Variants in CAMK1D observed in about 807,000 individuals in gnomAD.
The protein encoded by CAMK1D is calcium/calmodulin dependent protein kinase ID.
A neutral mutation model predicts 47.7 loss-of-function variants in CAMK1D; 9 were observed. The ratio of observed to expected loss-of-function variants is 0.19; its 90% CI spans 0.11 to 0.33. CAMK1D has a LOEUF of 0.33. Among genes scored for constraint, CAMK1D ranks in the 10% least tolerant of loss-of-function variants. CAMK1D has a pLI of 1.00. For synonymous variants in CAMK1D, 184 were observed against 184.9 expected, an observed-to-expected ratio of 0.99 and a Z score of 0.04; for missense variants, 291 against 488.7, an observed-to-expected ratio of 0.60 and a Z score of 3.81.
chr10:12,476,410 T>C (rs918577978), intron 1 of CAMK1D, among the ~76,000 whole-genome samples: 2 of 152,114 alleles, frequency 1.3e-5, no homozygotes, highest in Non-Finnish European at 2.9e-5. Flanking sequence ...AGCATGCATT[T>C]ATTTTAGGGC....
chr10:12,746,181 G>A (rs981028756), intron 3 of CAMK1D, among the ~76,000 whole-genome samples: 1 of 151,866 alleles, frequency 6.6e-6, no homozygotes, highest in African/African-American at 2.4e-5. Context: ...TGGCTAACAC[G>A]GTGAAACCCC....
chr10:12,410,303 G>A (rs1007815547), intron 1 of CAMK1D, among the ~76,000 whole-genome samples: 1 of 152,152 alleles, frequency 6.6e-6, no homozygotes, highest in African/African-American at 2.4e-5. Flanking sequence ...GTGTAACTCT[G>A]TATTTTCTTG....
chr10:12,560,283 T>C (rs1836894382), intron 2 of CAMK1D, among the ~76,000 whole-genome samples: 1 of 152,044 alleles, frequency 6.6e-6, no homozygotes, highest in South Asian at 2.1e-4. Context: ...CCGGGCGCGG[T>C]GGCTCACGCC....
chr10:12,761,113 G>T (rs772809399), intron 4 of CAMK1D, 27 bp downstream of exon 4: 2 of 1,607,238 alleles, frequency 1.2e-6, no homozygotes, highest in African/African-American at 1.3e-5. Context: ...GCAGCATCCT[G>T]CAGCCACTCT....
chr10:12,399,769 A>G (rs1408892510), intron 1 of CAMK1D, among the ~76,000 whole-genome samples: 1 of 152,214 alleles, frequency 6.6e-6, no homozygotes, highest in Non-Finnish European at 1.5e-5. Context: ...CCCCAAGCAT[A>G]GTTCAGAAGT....
chr10:12,746,313 C>A (rs371242268), intron 3 of CAMK1D, among the ~76,000 whole-genome samples: 1 of 145,346 alleles, frequency 6.9e-6, no homozygotes, highest in East Asian at 2.0e-4. Context: ...GCAGTGAGCC[C>A]AGATCTCGCC....
chr10:12,735,477 CA>C (rs986956165), intron 3 of CAMK1D, among the ~76,000 whole-genome samples: 7 of 146,520 alleles, frequency 4.8e-5, no homozygotes, highest in Admixed American at 6.8e-5. Context: ...GACTCCGTCT[CA>C]AAAAAAAAAG....
chr10:12,671,046 A>G (rs1270497463), intron 3 of CAMK1D, among the ~76,000 whole-genome samples: 2 of 152,212 alleles, frequency 1.3e-5, no homozygotes, highest in Non-Finnish European at 2.9e-5. Flanking sequence ...GAATGGAATT[A>G]TACAACATGT....
rs186940291 is a variant in CAMK1D at position 12,740,287 on chromosome 10, G to T, written c.300-20661G>T. ...GTTTCGTGGAGGTGCCACATCAAGG[G>T]AGAGAGACAAGATCAGAAACCGGGA... On this transcript the variant is annotated intron_variant, in intron 3 of 10. Transcript: ENST00000619168. Among the ~76,000 whole-genome samples, 18 of 152,288 alleles carry T rather than the reference G, an allele frequency of 1.2e-4. 1 individual carries two copies. Among genetic ancestry groups the T allele is most frequent in the Admixed American group, 7.2e-4 (11 of 15,290 alleles).
chr10:12,528,832 C>G (rs752670590), intron 1 of CAMK1D, among the ~76,000 whole-genome samples: 27 of 150,814 alleles, frequency 1.8e-4, no homozygotes, highest in Non-Finnish European at 3.7e-4. Flanking sequence ...GCCTCAAACT[C>G]CTAGGGTCAA....
At chr10:12,387,399 T>TATATATTATATATATTATATATATA (rs1564306946) in intron 1 of CAMK1D, among the ~76,000 whole-genome samples, 2 of 65,398 alleles carry the variant, frequency 3.1e-5, no homozygotes, top group Non-Finnish European at 6.6e-5. Flanking sequence ...ATTATATATT[T>TATATATTATATATATTATATATATA]TTATATATTA....
chr10:12,421,288 G>A (rs997669443), intron 1 of CAMK1D, among the ~76,000 whole-genome samples: 38 of 152,138 alleles, frequency 2.5e-4, no homozygotes, highest in African/African-American at 9.2e-4. Flanking sequence ...TATGAATAAA[G>A]CATCTAGTTT....
At chr10:12,641,644 G>A (rs992307131) in intron 2 of CAMK1D, among the ~76,000 whole-genome samples, 26 of 151,742 alleles carry the variant, frequency 1.7e-4, no homozygotes, top group Admixed American at 1.4e-3. Context: ...AAGAAAAAAA[G>A]AGAAACATTT....
At chr10:12,464,605 G>C (rs1272280484) in intron 1 of CAMK1D, among the ~76,000 whole-genome samples, 1 of 152,156 alleles carries the variant, frequency 6.6e-6, no homozygotes, top group Non-Finnish European at 1.5e-5. Flanking sequence ...CACGAGGTCA[G>C]GAGATTGAGA....
At chr10:12,630,212 G>A (rs956040595) in intron 2 of CAMK1D, among the ~76,000 whole-genome samples, 3 of 152,000 alleles carry the variant, frequency 2.0e-5, no homozygotes, top group Admixed American at 1.3e-4. Flanking sequence ...TTCATGCTCC[G>A]TCTTCTTCCC....
intron 2 of CAMK1D, among the ~76,000 whole-genome samples, chr10:12,661,705 T>C (rs1247437639): frequency 6.6e-6 from 1 of 152,222 alleles, no homozygotes; most frequent in East Asian, 1.9e-4. Context: ...GCTGAAATGT[T>C]TGAGAAAACA....
intron 2 of CAMK1D, among the ~76,000 whole-genome samples, chr10:12,564,503 G>C (rs1247254406): frequency 6.6e-6 from 1 of 152,166 alleles, no homozygotes; most frequent in Non-Finnish European, 1.5e-5. Context: ...CGTTTGAGTA[G>C]TTTGAAGAGT....
chr10:12,470,892 A>C (rs769959415), intron 1 of CAMK1D, among the ~76,000 whole-genome samples: 1 of 152,066 alleles, frequency 6.6e-6, no homozygotes, highest in Non-Finnish European at 1.5e-5. Flanking sequence ...CCACCTCTGT[A>C]CTAAACCAAG....
intron 2 of CAMK1D, among the ~76,000 whole-genome samples, chr10:12,577,485 C>T (rs1157765104): frequency 2.0e-5 from 3 of 152,202 alleles, no homozygotes; most frequent in African/African-American, 7.2e-5. Flanking sequence ...CTAAATTAAG[C>T]ATTTTAAACC....
Sources: allele counts gnomAD v4.1 joint callset (sites outside exome capture counted in the v4.1 genomes callset), GRCh38; gene constraint gnomAD v4.1.1; transcripts MANE v1.5; gene names NCBI Gene and HGNC (gene_info 2026-07-23, HGNC 2026-07-21).